TOPAZ1: variants seen among roughly 807,000 people sequenced by gnomAD.
TOPAZ1 encodes the protein testis and ovary specific TOPAZ 1, also known as protein TOPAZ1.
TOPAZ1 carries 66 observed loss-of-function variants against 172.2 expected under a neutral mutation model. The ratio of observed to expected loss-of-function variants is 0.38; its 90% CI spans 0.31 to 0.47. The LOEUF (loss-of-function observed/expected upper bound fraction) is 0.47. TOPAZ1 is among the 20% of genes least tolerant of loss of function. The pLI is 0.99. For synonymous variants in TOPAZ1, 681 were observed against 683.9 expected, an observed-to-expected ratio of 1.00 and a Z score of 0.07; for missense variants, 1,822 against 1,972.4, an observed-to-expected ratio of 0.92 and a Z score of 1.44.
chr3:44,249,643 T>C (rs1699606563), intron 2 of TOPAZ1, among the ~76,000 whole-genome samples: 1 of 152,176 alleles, frequency 6.6e-6, no homozygotes, highest in Admixed American at 6.5e-5. Flanking sequence ...GGGTAAGAAA[T>C]GTCCATGTCT....
chr3:44,278,141 T>C (rs189253738), intron 8 of TOPAZ1, among the ~76,000 whole-genome samples: 70 of 152,362 alleles, frequency 4.6e-4, no homozygotes, highest in Non-Finnish European at 8.5e-4. Context: ...GATGATCATA[T>C]GGTTTTTGTC....
intron 18 of TOPAZ1, 65 bp downstream of exon 18, chr3:44,323,360 T>C (rs1212481549): frequency 4.0e-6 from 4 of 1,004,650 alleles, no homozygotes; most frequent in Admixed American, 2.9e-5. Flanking sequence ...CCAGAATTTA[T>C]AATATATAAG....
chr3:44,270,920 T>A, intron 8 of TOPAZ1, 110 bp downstream of exon 8: 1 of 1,009,140 alleles, frequency 9.9e-7, no homozygotes, highest in Non-Finnish European at 1.4e-6. Flanking sequence ...GAGTTTTGCC[T>A]GCTTTTGTTC....
chr3:44,280,187 T>C (rs1381181787), intron 8 of TOPAZ1, among the ~76,000 whole-genome samples: 1 of 152,158 alleles, frequency 6.6e-6, no homozygotes, highest in Admixed American at 6.5e-5. Context: ...CTTCATCCTA[T>C]TCTCTCCTGG....
chr3:44,261,560 C>G (rs1699776011), intron 4 of TOPAZ1, among the ~76,000 whole-genome samples: 1 of 152,082 alleles, frequency 6.6e-6, no homozygotes. Context: ...TTACTATAGC[C>G]CTGTAGCGTA....
intron 12 of TOPAZ1, among the ~76,000 whole-genome samples, chr3:44,296,856 A>AG (rs1559541128): frequency 2.6e-5 from 3 of 117,226 alleles, no homozygotes; most frequent in Admixed American, 8.9e-5. Context: ...CCAAAAAAAA[A>AG]AAAAAAAAGA....
chr3:44,243,017 C>G lies in TOPAZ1; in HGVS notation c.511C>G (p.Arg171Gly). The change falls in exon 2 of 20, where the codon CGA becomes GGA. Residue 171 changes from arginine to glycine, a missense_variant. By Grantham distance (125) the Arg-to-Gly change is moderately radical. This residue lies in a region of TOPAZ1 where 1,489 missense variants were observed against 1,490.8 expected (regional missense o/e 1.00). Transcript: ENST00000309765. ...SIIEGIKRRI[R>G]NKKLKSLENP... ...AATAGAAGGTATTAAAAGAAGAATT[C>G]GAAATAAAAAACTTAAAAGCTTAGA... is the stretch of plus-strand genomic sequence containing the variant. The G allele has an allele frequency of 4.5e-6, 7 of 1,542,796 alleles. No individual in the cohort carries two copies. Among genetic ancestry groups the G allele is most frequent in the Non-Finnish European group, 5.2e-6 (6 of 1,144,752 alleles).
At chr3:44,245,816 G>A (rs992031608) in intron 2 of TOPAZ1, among the ~76,000 whole-genome samples, 7 of 152,132 alleles carry the variant, frequency 4.6e-5, no homozygotes, top group Non-Finnish European at 8.8e-5. Flanking sequence ...TGGGATTACA[G>A]GCGTGAGCCA....
chr3:44,276,653 T>TC (rs71085614), intron 8 of TOPAZ1, among the ~76,000 whole-genome samples: 1 of 56,554 alleles, frequency 1.8e-5, no homozygotes, highest in African/African-American at 5.0e-5. Flanking sequence ...TTTTTTTTTT[T>TC]CCAGAATTGC....
intron 19 of TOPAZ1, among the ~76,000 whole-genome samples, chr3:44,328,797 G>T (rs1181884238): frequency 6.6e-6 from 1 of 152,232 alleles, no homozygotes; most frequent in South Asian, 2.1e-4. Context: ...AAGGACTAGG[G>T]TCTAAAAGGG....
Position 44,242,134 on chromosome 3 carries a change from G to A in TOPAZ1, c.81G>A (p.Ala27=). The A allele has an allele frequency of 1.3e-6, 2 of 1,548,994 alleles. No individual in the cohort carries two copies. The highest frequency in any genetic ancestry group is 1.7e-6 in the Non-Finnish European group (2 of 1,146,516). ...TGCGAAACCTGCAGAAGCGGCAGGCGCCAGGGCCAGGCGCGGCGGGAGGCT... is the reference window on the plus strand; with the variant it reads ...TGCGAAACCTGCAGAAGCGGCAGGCACCAGGGCCAGGCGCGGCGGGAGGCT... ...GNVRNLQKRQ[A]PGPGAAGGCG... is the part of the protein sequence containing the mutation. Residue 27 remains alanine, a synonymous_variant, in exon 1 of 20, where the codon GCG becomes GCA. Coordinates refer to ENST00000309765, the MANE Select transcript of TOPAZ1 (RefSeq NM_001145030.2).
chr3:44,306,435 T>A lies in TOPAZ1; in HGVS notation c.4140+9T>A, dbSNP rs150565334. The A allele has an allele frequency of 5.0e-5, 75 of 1,505,792 alleles. No individual in the cohort carries two copies. In the Admixed American group the frequency reaches 1.5e-3, roughly 30 times the overall value. 93.3% of individuals were successfully genotyped at this position (1,505,792 alleles called of 1,614,324 possible). ...TGTTGCAGTGGTCCAAGGTACTTCA[T>A]TAAGTTTTTGTCTTGGCTTGGTATA... is the stretch of plus-strand genomic sequence containing the variant. On this transcript the variant is annotated intron_variant, in intron 15 of 19. Coordinates refer to ENST00000309765, the MANE Select transcript of TOPAZ1 (RefSeq NM_001145030.2).
intron 12 of TOPAZ1, among the ~76,000 whole-genome samples, chr3:44,297,260 T>C (rs1035054505): frequency 3.9e-5 from 6 of 152,114 alleles, no homozygotes; most frequent in Admixed American, 3.9e-4. Flanking sequence ...AATACTACCA[T>C]ATTGAATCCA....
intron 16 of TOPAZ1, among the ~76,000 whole-genome samples, chr3:44,315,105 GTGGATGGA>G (rs34398632): frequency 1.7e-4 from 26 of 150,002 alleles, no homozygotes; most frequent in Non-Finnish European, 2.7e-4. Context: ...ATTAGTTGAG[GTGGATGGA>G]TGGATGGATG....
At position 44,241,961 on chromosome 3, in the gene TOPAZ1, C is replaced by CA; in HGVS notation, c.-92dup. The CA allele has an allele frequency of 8.3e-7, 1 of 1,210,320 alleles. No individual in the cohort carries two copies. 75.0% of individuals were successfully genotyped at this position (1,210,320 alleles called of 1,614,324 possible). On this transcript the variant is annotated 5_prime_UTR_variant, in exon 1 of 20. Transcript: ENST00000309765. ...TGGCGGTGTGGGGTGGGTCAGAGGGCAGTAGGTACCTCCAGGCGGGAGCAG... is the reference window on the plus strand; with the variant it reads ...TGGCGGTGTGGGGTGGGTCAGAGGGCAAGTAGGTACCTCCAGGCGGGAGCAG...
At position 44,256,265 on chromosome 3, in the gene TOPAZ1, A is replaced by G; in HGVS notation, c.2942A>G (p.Asp981Gly). The G allele has an allele frequency of 6.6e-7, 1 of 1,521,234 alleles. No homozygotes were observed. The highest frequency in any genetic ancestry group is 2.5e-5 in the East Asian group (1 of 39,242). The allele number at this position is 1,521,234 out of a possible 1,614,324, so 94.2% of individuals were successfully genotyped here. A position where few individuals can be genotyped will look rare whatever the true frequency, so the allele number is the denominator to read the frequency against. The part of the protein sequence containing the change: ...GDFSEQIKGS[D>G]LDEKHRFTDK... ...TTCAGTGAACAAATAAAAGGTTCAG[A>G]CTTGGATGAAAAGGTACTAGGGGAT... is the stretch of plus-strand genomic sequence containing the variant. The change falls in exon 4 of 20, where the codon GAC becomes GGC. Residue 981 changes from aspartate (D) to glycine (G), a missense_variant. Asp to Gly is a moderately conservative substitution (Grantham distance 94). This residue lies in a region of TOPAZ1 where 1,489 missense variants were observed against 1,490.8 expected (regional missense o/e 1.00). Transcript: ENST00000309765.
chr3:44,330,884 A>G (rs1224392739), intron 19 of TOPAZ1, among the ~76,000 whole-genome samples: 2 of 152,242 alleles, frequency 1.3e-5, no homozygotes, highest in Admixed American at 6.5e-5. Flanking sequence ...TAGAAAAATT[A>G]TTAGAAAAAT....
At chr3:44,292,800 A>G (rs1559539849) in intron 12 of TOPAZ1, among the ~76,000 whole-genome samples, 1 of 152,228 alleles carries the variant, frequency 6.6e-6, no homozygotes, top group African/African-American at 2.4e-5. Context: ...GGGACATTCC[A>G]GAGCTTCTCT....
At chr3:44,303,896 T>C (rs1415758423) in intron 12 of TOPAZ1, 119 bp from the exon 13 acceptor site, 1 of 528,674 alleles carries the variant, frequency 1.9e-6, no homozygotes, top group African/African-American at 2.0e-5. Flanking sequence ...GTTTATAGCA[T>C]ATTATATACA....
Sources: allele counts gnomAD v4.1 joint callset (sites outside exome capture counted in the v4.1 genomes callset), GRCh38; gene constraint gnomAD v4.1.1; regional missense constraint gnomAD v4.1.1; transcripts MANE v1.5; gene names NCBI Gene and HGNC (gene_info 2026-07-23, HGNC 2026-07-21).